Variants in EFHD1 observed in about 807,000 individuals in gnomAD.
EFHD1 encodes EF-hand domain family member D1, also known as EF-hand domain-containing protein D1.
In EFHD1, 10 loss-of-function variants were observed where a neutral mutation model predicts 17.2. The ratio of observed to expected loss-of-function variants is 0.58; its 90% CI spans 0.36 to 0.99. EFHD1 has a LOEUF of 0.99. EFHD1 is among the 50% of genes least tolerant of loss of function. The pLI, the probability that EFHD1 is intolerant of heterozygous loss-of-function variation, is 0.01. For synonymous variants in EFHD1, 153 were observed against 142.0 expected, an observed-to-expected ratio of 1.08 and a Z score of -0.55; for missense variants, 310 against 327.5, an observed-to-expected ratio of 0.95 and a Z score of 0.41.
Position 232,620,106 on chromosome 2 carries a change from C to T in EFHD1, c.14+13933C>T, listed in dbSNP as rs907685118. ...TTTTTTTTTTTAAGAGACAGAGTCT[C>T]GGCCGGGCGCGGTGGCTCACGCCTG... On this transcript the variant is annotated intron_variant, in intron 1 of 3. Transcript: ENST00000409613. Among the ~76,000 whole-genome samples the T allele has an allele frequency of 1.1e-4, 17 of 150,608 alleles. 1 individual carries two copies. The highest frequency in any genetic ancestry group is 3.9e-4 in the African/African-American group (16 of 40,926).
upstream of EFHD1, among the ~76,000 whole-genome samples, chr2:232,631,711 A>AC (rs1230153777): frequency 4.0e-5 from 6 of 150,136 alleles, no homozygotes; most frequent in Admixed American, 2.6e-4. Flanking sequence ...AAAAAACAAA[A>AC]ACAAAACCAG....
At chr2:232,662,718 G>A (rs553284605) in intron 1 of EFHD1, 84 bp from the exon 2 acceptor site, 14 of 1,522,228 alleles carry the variant, frequency 9.2e-6, no homozygotes, top group East Asian at 2.5e-5. Flanking sequence ...GTCATTTTTC[G>A]ATGAATGAAG....
intron 1 of EFHD1, among the ~76,000 whole-genome samples, chr2:232,646,249 T>G (rs1559346952): frequency 6.6e-6 from 1 of 152,080 alleles, no homozygotes; most frequent in Non-Finnish European, 1.5e-5. Context: ...TGTGGACCCT[T>G]AAGGCCCACT....
rs138084334 is a variant in EFHD1, at chr2:232,658,566, C to T, written c.303-4236C>T. Among the ~76,000 whole-genome samples the T allele has an allele frequency of 9.2e-5, 14 of 152,192 alleles. No individual in the cohort carries two copies. In the East Asian group the frequency reaches 1.9e-3, roughly 21 times the overall value. ...ATATGTCCAAACACTTGTATATGAA[C>T]GTTCAAAGCAACACTATTCATAAGA... On this transcript the variant is annotated intron_variant, in intron 1 of 3. Coordinates refer to ENST00000264059, the MANE Select transcript of EFHD1 (RefSeq NM_025202.4).
intron 1 of EFHD1, among the ~76,000 whole-genome samples, chr2:232,653,783 C>T (rs1694702377): frequency 6.6e-6 from 1 of 152,228 alleles, no homozygotes; most frequent in South Asian, 2.1e-4. Flanking sequence ...TATTCCTGTA[C>T]CCAGCTGGTG....
intron 1 of EFHD1, among the ~76,000 whole-genome samples, chr2:232,649,262 G>A (rs957807287): frequency 6.6e-6 from 1 of 152,192 alleles, no homozygotes; most frequent in Non-Finnish European, 1.5e-5. Flanking sequence ...TGGCGGATCT[G>A]GGGGCTTTCC....
At chr2:232,613,390 C>T (rs979611533) in intron 1 of EFHD1, among the ~76,000 whole-genome samples, 11 of 152,106 alleles carry the variant, frequency 7.2e-5, no homozygotes, top group African/African-American at 2.7e-4. Flanking sequence ...CGCCCCTGCA[C>T]TCCAGCCTGG....
At chr2:232,674,131 A>G (rs527471510) in intron 3 of EFHD1, among the ~76,000 whole-genome samples, 1 of 151,792 alleles carries the variant, frequency 6.6e-6, no homozygotes, top group South Asian at 2.1e-4. Flanking sequence ...CTGGTGTCAA[A>G]CTCCTGACCT....
intron 1 of EFHD1, among the ~76,000 whole-genome samples, chr2:232,613,827 AAT>A (rs1491422332): frequency 6.8e-6 from 1 of 147,060 alleles, no homozygotes; most frequent in East Asian, 2.0e-4. Flanking sequence ...TACACACACA[AAT>A]ATACACACAT....
At chr2:232,678,686 G>A (rs574884395) in intron 3 of EFHD1, among the ~76,000 whole-genome samples, 4 of 152,320 alleles carry the variant, frequency 2.6e-5, no homozygotes, top group African/African-American at 7.2e-5. Context: ...GGGAGACTGA[G>A]GCAGGAGAAT....
At position 232,633,637 on chromosome 2, in the gene EFHD1, G is replaced by T. The variant is rs928334715; in HGVS notation, c.-68G>T. The T allele has an allele frequency of 1.5e-6, 2 of 1,357,368 alleles. No individual in the cohort carries two copies. The highest frequency in any genetic ancestry group is 3.6e-5 in the South Asian group (2 of 55,868). The allele number at this position is 1,357,368 out of a possible 1,614,324, so 84.1% of individuals were successfully genotyped here. A position where few individuals can be genotyped will look rare whatever the true frequency, so the allele number is the denominator to read the frequency against. On this transcript the variant is annotated 5_prime_UTR_variant, in exon 1 of 4. Transcript: ENST00000264059. ...GTAGAGCCTCGAGCCTGCGAGGAGC[G>T]CGCCGCCCGCCAGCTCCCTGCGTCC... is the stretch of plus-strand genomic sequence containing the variant.
intron 1 of EFHD1, among the ~76,000 whole-genome samples, chr2:232,616,378 A>G (rs1381512151): frequency 2.0e-5 from 3 of 151,912 alleles, no homozygotes; most frequent in Non-Finnish European, 4.4e-5. Context: ...GGCTCACGGC[A>G]ACCTCCGCCT....
At chr2:232,672,042 C>T (rs1201089440) in intron 2 of EFHD1, among the ~76,000 whole-genome samples, 3 of 149,630 alleles carry the variant, frequency 2.0e-5, no homozygotes, top group South Asian at 4.2e-4. Flanking sequence ...GGCAACAGAG[C>T]GAGACTCTGC....
chr2:232,613,349 T>C (rs1355750974), intron 1 of EFHD1, among the ~76,000 whole-genome samples: 1 of 151,802 alleles, frequency 6.6e-6, no homozygotes, highest in Non-Finnish European at 1.5e-5. Flanking sequence ...ACTTGAACCC[T>C]GGAGGCAGAG....
At chr2:232,630,814 GA>G (rs956286928), upstream of EFHD1, among the ~76,000 whole-genome samples, 1 of 144,112 alleles carries the variant, frequency 6.9e-6, no homozygotes, top group Non-Finnish European at 1.5e-5. Flanking sequence ...AGAAAGAAAA[GA>G]AAAAAAGTCA....
At chr2:232,614,835 G>T (rs1290687795) in intron 1 of EFHD1, among the ~76,000 whole-genome samples, 1 of 152,124 alleles carries the variant, frequency 6.6e-6, no homozygotes, top group African/African-American at 2.4e-5. Flanking sequence ...AATTAGCCAG[G>T]TATGGTGGTG....
At chr2:232,657,332 G>A (rs73107641) in intron 1 of EFHD1, among the ~76,000 whole-genome samples, 1,655 of 152,088 alleles carry the variant, frequency 0.011, 30 homozygotes, top group African/African-American at 0.038. Flanking sequence ...CCCTTTTTGC[G>A]ACTGGCTTAT....
intron 1 of EFHD1, among the ~76,000 whole-genome samples, chr2:232,641,097 C>A (rs1052914729): frequency 6.6e-6 from 1 of 152,200 alleles, no homozygotes; most frequent in African/African-American, 2.4e-5. Context: ...GGCTGGAGTG[C>A]AGTTGCACAG....
At chr2:232,615,040 G>A (rs1250010958) in intron 1 of EFHD1, among the ~76,000 whole-genome samples, 2 of 152,070 alleles carry the variant, frequency 1.3e-5, no homozygotes, top group African/African-American at 4.8e-5. Context: ...CCAGGCTGGA[G>A]TTGCTATGGC....
Sources: gnomAD v4.1 joint callset for allele counts (sites outside exome capture counted in the v4.1 genomes callset) on GRCh38, gnomAD v4.1.1 for gene constraint, MANE v1.5 for transcripts, NCBI Gene and HGNC (gene_info 2026-07-23, HGNC 2026-07-21) for gene names.